RELN: variants seen among roughly 807,000 people sequenced by gnomAD.
The protein encoded by RELN is reelin.
Under a neutral mutation model 427.6 loss-of-function variants are expected in RELN, and 108 were observed. That is an observed-to-expected ratio of 0.25 (90% CI 0.22 to 0.30). The LOEUF (loss-of-function observed/expected upper bound fraction) is 0.30. Among genes scored for constraint, RELN ranks in the 10% least tolerant of loss-of-function variants. RELN has a pLI of 1.00. For missense variants in RELN, 3,715 were observed against 4,302.8 expected (o/e 0.86, Z 3.82); for synonymous variants, 1,524 against 1,513.4 (o/e 1.01, Z -0.16).
rs117780515 is a variant in RELN, at chr7:103,793,684, G to A, written c.474-17057C>T. ...TGGCCCTAGCAGGTGTATTTTCAGG[G>A]AAAGCAAAAGGAACAAGAGATGGGA... On this transcript the variant is annotated intron_variant, in intron 3 of 64. Coordinates refer to ENST00000428762, the MANE Select transcript of RELN (RefSeq NM_005045.4). Among the ~76,000 whole-genome samples, 205 of 152,312 alleles carry A rather than the reference G, an allele frequency of 1.3e-3. 5 individuals carry two copies. In the East Asian group the frequency reaches 0.037, roughly 28 times the overall value.
chr7:103,522,611 C>G (rs879058040), intron 47 of RELN, among the ~76,000 whole-genome samples: 1 of 152,150 alleles, frequency 6.6e-6, no homozygotes, highest in Admixed American at 6.5e-5. Context: ...ATGGTGCTAA[C>G]AGCAGAAGAT....
intron 20 of RELN, among the ~76,000 whole-genome samples, chr7:103,618,516 T>C (rs771267271): frequency 6.6e-6 from 1 of 152,238 alleles, no homozygotes; most frequent in African/African-American, 2.4e-5. Flanking sequence ...TTCTTATTTA[T>C]CTAGTTAAGA....
Position 103,989,005 on chromosome 7 carries a change from C to T in RELN, c.226+126G>A. ...TTATTCTCGCTCCCTGGACCAAGCGCATCGCTGGGGCCAGGGTTGTCATGG... is the reference window on the plus strand; with the variant it reads ...TTATTCTCGCTCCCTGGACCAAGCGTATCGCTGGGGCCAGGGTTGTCATGG... On this transcript the variant is annotated intron_variant, in intron 1 of 64. Coordinates refer to ENST00000428762, the MANE Select transcript of RELN (RefSeq NM_005045.4). This position sits in a 1 kb window ranked among gnomAD's most constrained non-coding sequence, Gnocchi z 4.9. 1.2e-6 allele frequency: 1 copy of T among 819,978 alleles called. No individual in the cohort carries two copies. Among genetic ancestry groups the T allele is most frequent in the Non-Finnish European group, 2.0e-6 (1 of 488,570 alleles). The allele number at this position is 819,978 out of a possible 1,614,324, so 50.8% of individuals were successfully genotyped here. A position where few individuals can be genotyped will look rare whatever the true frequency, so the allele number is the denominator to read the frequency against.
chr7:103,815,907 T>G (rs1161948485), intron 3 of RELN, among the ~76,000 whole-genome samples: 1 of 152,226 alleles, frequency 6.6e-6, no homozygotes, highest in African/African-American at 2.4e-5. Context: ...AAATTCCTGA[T>G]TACATCTTTC....
rs1032204199 is a variant in RELN, at chr7:103,874,568, C to T, written c.338-40896G>A. On this transcript the variant is annotated intron_variant, in intron 2 of 64. Coordinates refer to ENST00000428762, the MANE Select transcript of RELN (RefSeq NM_005045.4). ...AGCATTCTGATACACCAACAACAGA[C>T]AAACAGAGAGCCAAATTATGAGTGA... is the stretch of plus-strand genomic sequence containing the variant. Among the ~76,000 whole-genome samples the T allele has an allele frequency of 1.4e-3, 203 of 145,916 alleles. 10 individuals carry two copies. The highest frequency in any genetic ancestry group is 1.7e-3 in the Non-Finnish European group (111 of 65,782).
chr7:103,616,479 A>C (rs1832081439), intron 20 of RELN, among the ~76,000 whole-genome samples: 1 of 152,194 alleles, frequency 6.6e-6, no homozygotes, highest in Non-Finnish European at 1.5e-5. Context: ...TTCAAAACAA[A>C]CAACCATATT....
Position 103,687,467 on chromosome 7 carries a change from G to T in RELN, c.1144-5206C>A, listed in dbSNP as rs10260083. On this transcript the variant is annotated intron_variant, in intron 10 of 64. Transcript: ENST00000428762. ...CCTCTGTTTTTTCATCTGTGAAATG[G>T]GGATAATTGTGAGCATTAGATAAAA... Among the ~76,000 whole-genome samples, 1,272 of 152,236 alleles carry T rather than the reference G, an allele frequency of 8.4e-3. 29 individuals are homozygous for T. Among genetic ancestry groups the T allele is most frequent in the African/African-American group, 0.028 (1,167 of 41,544 alleles).
rs1290597164 is a variant in RELN, at chr7:103,561,656, G to A, written c.5405C>T (p.Ser1802Leu). 9 of 1,613,798 alleles carry A rather than the reference G, an allele frequency of 5.6e-6. No individual in the cohort carries two copies. Among genetic ancestry groups the A allele is most frequent in the African/African-American group, 2.7e-5 (2 of 74,846 alleles). Residue 1802 changes from serine to leucine, a missense_variant, in exon 36 of 65, where the codon TCG (serine) becomes TTG (leucine). Physicochemically the swap from Ser to Leu is moderately radical, Grantham distance 145 (BLOSUM62 -2). Transcript: ENST00000428762. ...CCCATTGAAATCGTCTTTAAGAATC[G>A]AGGGCAGAGGAACAACAGGAACACA... ...PYCVPVVPLP[S>L]ILKDDFNGNL...
At chr7:103,773,807 G>A (rs888508500) in intron 4 of RELN, among the ~76,000 whole-genome samples, 1 of 151,950 alleles carries the variant, frequency 6.6e-6, no homozygotes, top group African/African-American at 2.4e-5. Flanking sequence ...ACCCATTCAG[G>A]TCTACCTTCC....
chr7:103,640,759 A>C lies in RELN; in HGVS notation c.2003-150T>G. On this transcript the variant is annotated intron_variant, in intron 16 of 64. Coordinates refer to ENST00000428762, the MANE Select transcript of RELN (RefSeq NM_005045.4). The surrounding 1 kb of genome is among the most constrained non-coding windows in gnomAD (Gnocchi z 4.1). ...ATATGGAATGCTGTGTAATAAGGTA[A>C]GTGCTTAGTTACAAAGCTGCTGAAA... is the stretch of plus-strand genomic sequence containing the variant. 2.7e-6 allele frequency: 2 copies of C among 754,606 alleles called. No individual in the cohort carries two copies. The highest frequency in any genetic ancestry group is 5.4e-5 in the East Asian group (2 of 37,054). 46.7% of individuals were successfully genotyped at this position (754,606 alleles called of 1,614,324 possible). A position where few individuals can be genotyped will look rare whatever the true frequency, so the allele number is the denominator to read the frequency against.
chr7:103,486,476 A>C (rs533168943), intron 60 of RELN, 60 bp from the exon 61 acceptor site: 2 of 1,299,916 alleles, frequency 1.5e-6, no homozygotes, highest in African/African-American at 1.5e-5. Context: ...TTCAAGATTA[A>C]GAACAAGTAT....
At chr7:103,697,552 T>A (rs1834001862) in intron 10 of RELN, among the ~76,000 whole-genome samples, 1 of 152,106 alleles carries the variant, frequency 6.6e-6, no homozygotes, top group Non-Finnish European at 1.5e-5. Flanking sequence ...CAAACTAAAC[T>A]GACATCCACA....
chr7:103,959,283 T>A (rs1278656591), intron 1 of RELN, among the ~76,000 whole-genome samples: 1 of 152,166 alleles, frequency 6.6e-6, no homozygotes, highest in East Asian at 1.9e-4. Flanking sequence ...CCCTCCTGCA[T>A]CAGTTAATGA....
At chr7:103,695,655 A>G (rs978058313) in intron 10 of RELN, among the ~76,000 whole-genome samples, 3 of 152,166 alleles carry the variant, frequency 2.0e-5, no homozygotes, top group Admixed American at 6.5e-5. Flanking sequence ...TTATGCCATA[A>G]AGGGTACTCA....
At chr7:103,820,053 T>C (rs985222030) in intron 3 of RELN, among the ~76,000 whole-genome samples, 1 of 152,032 alleles carries the variant, frequency 6.6e-6, no homozygotes, top group African/African-American at 2.4e-5. Flanking sequence ...AAAATCTCTA[T>C]AAAACTATCC....
intron 2 of RELN, among the ~76,000 whole-genome samples, chr7:103,870,527 T>C (rs567975545): frequency 6.6e-6 from 1 of 152,204 alleles, no homozygotes; most frequent in East Asian, 1.9e-4. Flanking sequence ...TCAGTCATCC[T>C]TGAGGATCTC....
intron 57 of RELN, among the ~76,000 whole-genome samples, chr7:103,494,635 T>C (rs1170022182): frequency 2.6e-5 from 4 of 151,346 alleles, no homozygotes; most frequent in African/African-American, 7.3e-5. Flanking sequence ...CCTTCCTCCT[T>C]GGCCTCCCAA....
chr7:103,862,453 AT>A lies in RELN; in HGVS notation c.338-28782del, dbSNP rs1278263393. ...TATCTATCTATCTATCTATCTATCT[AT>A]CTATCTATCTATCTTCTCAATCTTT... is the stretch of plus-strand genomic sequence containing the variant. On this transcript the variant is annotated intron_variant, in intron 2 of 64. Coordinates refer to ENST00000428762, the MANE Select transcript of RELN (RefSeq NM_005045.4). Among the ~76,000 whole-genome samples the A allele has an allele frequency of 2.1e-4, 32 of 149,430 alleles. No homozygotes were observed. In the East Asian group the frequency reaches 6.1e-3, roughly 28 times the overall value.
At chr7:103,558,383 G>A (rs1830570916) in intron 36 of RELN, among the ~76,000 whole-genome samples, 1 of 152,152 alleles carries the variant, frequency 6.6e-6, no homozygotes, top group South Asian at 2.1e-4. Flanking sequence ...CATGTTATGA[G>A]AGGAGTAACG....
Sources: gnomAD v4.1 joint callset for allele counts (sites outside exome capture counted in the v4.1 genomes callset) on GRCh38, gnomAD v4.1.1 for gene constraint, Gnocchi (gnomAD v3.1) non-coding constraint, MANE v1.5 for transcripts, NCBI Gene and HGNC (gene_info 2026-07-23, HGNC 2026-07-21) for gene names.